CHMP2B: variants seen among roughly 807,000 people sequenced by gnomAD.
CHMP2B encodes charged multivesicular body protein 2B.
A neutral mutation model predicts 29.8 loss-of-function variants in CHMP2B; 22 were observed. That is an observed-to-expected ratio of 0.74 (90% CI 0.53 to 1.05). CHMP2B has a LOEUF of 1.05. CHMP2B is among the 50% of genes least tolerant of loss of function. The probability of loss-of-function intolerance (pLI) is 0.00; values close to 1 mark genes in which losing one functional copy is unlikely to be tolerated. For synonymous variants in CHMP2B, 78 were observed against 75.8 expected (o/e 1.03, Z -0.15); for missense variants, 261 against 252.2 (o/e 1.03, Z -0.24).
chr3:87,234,154 A>G (rs1327743777), intron 1 of CHMP2B, among the ~76,000 whole-genome samples: 2 of 152,148 alleles, frequency 1.3e-5, no homozygotes. Flanking sequence ...TTTATCCTCA[A>G]ATGTACAAAT....
At chr3:87,242,907 T>G (rs1706145645) in intron 2 of CHMP2B, among the ~76,000 whole-genome samples, 1 of 152,194 alleles carries the variant, frequency 6.6e-6, no homozygotes, top group African/African-American at 2.4e-5. Flanking sequence ...ATAATTGTTT[T>G]GGCTATTTTA....
At chr3:87,244,951 A>G (rs991002135) in intron 2 of CHMP2B, among the ~76,000 whole-genome samples, 5 of 152,078 alleles carry the variant, frequency 3.3e-5, no homozygotes, top group African/African-American at 9.6e-5. Context: ...GCATTTGTCT[A>G]TTTCTCCTTT....
intron 2 of CHMP2B, among the ~76,000 whole-genome samples, chr3:87,241,768 TTCAA>T: frequency 6.6e-6 from 1 of 152,194 alleles, no homozygotes; most frequent in Non-Finnish European, 1.5e-5. Context: ...ACTTTAAACA[TTCAA>T]TCAAAGTTTT....
rs947640711 is a variant in CHMP2B, at chr3:87,234,491, G to A, written c.35-6208G>A. On this transcript the variant is annotated intron_variant, in intron 1 of 5. Transcript: ENST00000263780. ...GGCTTTTAATGCCCAGAGTGGAGCC[G>A]GCCTGGGTGGCCTTTTCTTAAGTGT... Among the ~76,000 whole-genome samples the A allele has an allele frequency of 3.3e-5, 5 of 152,110 alleles. No homozygotes were observed. In the East Asian group the frequency reaches 7.7e-4, roughly 24 times the overall value.
intron 4 of CHMP2B, among the ~76,000 whole-genome samples, chr3:87,252,130 A>G: frequency 6.6e-6 from 1 of 151,922 alleles, no homozygotes; most frequent in East Asian, 1.9e-4. Context: ...CTTATGTGAC[A>G]TTTCCAGGGA....
intron 1 of CHMP2B, among the ~76,000 whole-genome samples, 173 bp downstream of exon 1, chr3:87,227,729 C>T (rs1043219274): frequency 6.6e-6 from 1 of 152,198 alleles, no homozygotes; most frequent in Non-Finnish European, 1.5e-5. Context: ...TTCTGACTCA[C>T]CTCACCTTAG....
At chr3:87,233,036 C>A (rs566125131) in intron 1 of CHMP2B, among the ~76,000 whole-genome samples, 1 of 152,208 alleles carries the variant, frequency 6.6e-6, no homozygotes, top group Admixed American at 6.5e-5. Flanking sequence ...TGGCTTGACT[C>A]CCCAATTTCT....
intron 3 of CHMP2B, among the ~76,000 whole-genome samples, chr3:87,247,448 C>T (rs1706235077): frequency 6.6e-6 from 1 of 152,082 alleles, no homozygotes; most frequent in African/African-American, 2.4e-5. Flanking sequence ...TCAGTGAAAT[C>T]ACAAACAAAA....
chr3:87,249,129 G>A (rs1706268156), intron 3 of CHMP2B, among the ~76,000 whole-genome samples: 1 of 152,100 alleles, frequency 6.6e-6, no homozygotes, highest in Non-Finnish European at 1.5e-5. Context: ...AGGCTACACT[G>A]TACTGGATTT....
At chr3:87,232,394 C>T (rs1330529933) in intron 1 of CHMP2B, among the ~76,000 whole-genome samples, 4 of 152,118 alleles carry the variant, frequency 2.6e-5, no homozygotes, top group Admixed American at 2.0e-4. Context: ...CATGGTGGTA[C>T]CTGCAGAATT....
At chr3:87,251,191 T>C (rs1377166629) in intron 4 of CHMP2B, among the ~76,000 whole-genome samples, 1 of 151,880 alleles carries the variant, frequency 6.6e-6, no homozygotes, top group Non-Finnish European at 1.5e-5. Context: ...CCTATTTTTA[T>C]TCTTGGTTGT....
intron 2 of CHMP2B, among the ~76,000 whole-genome samples, chr3:87,243,237 A>T (rs951081289): frequency 3.9e-5 from 6 of 152,106 alleles, no homozygotes; most frequent in African/African-American, 1.2e-4. Context: ...TGATTATCAA[A>T]AATTGAATCA....
intron 1 of CHMP2B, among the ~76,000 whole-genome samples, chr3:87,228,196 T>C (rs1204057222): frequency 6.6e-6 from 1 of 152,232 alleles, no homozygotes; most frequent in Non-Finnish European, 1.5e-5. Flanking sequence ...ATATATTGTC[T>C]TCATAGAAGT....
chr3:87,230,502 GC>G (rs986573981), intron 1 of CHMP2B, among the ~76,000 whole-genome samples: 14 of 152,176 alleles, frequency 9.2e-5, no homozygotes, highest in African/African-American at 2.9e-4. Context: ...CTCTTATCAA[GC>G]ACATGGAATT....
At chr3:87,231,941 T>C (rs576133953) in intron 1 of CHMP2B, among the ~76,000 whole-genome samples, 82 of 152,294 alleles carry the variant, frequency 5.4e-4, no homozygotes, top group Non-Finnish European at 9.9e-4. Context: ...ATGCTTATTC[T>C]GTCTCTTCTA....
At chr3:87,249,122 C>T (rs1706267962) in intron 3 of CHMP2B, among the ~76,000 whole-genome samples, 1 of 152,106 alleles carries the variant, frequency 6.6e-6, no homozygotes, top group African/African-American at 2.4e-5. Context: ...TGGTCCTAGG[C>T]TACACTGTAC....
At chr3:87,248,680 A>T (rs183893463) in intron 3 of CHMP2B, among the ~76,000 whole-genome samples, 2 of 151,546 alleles carry the variant, frequency 1.3e-5, no homozygotes, top group Admixed American at 1.3e-4. Context: ...GTTAGTTCTC[A>T]TAGGCATATT....
intron 2 of CHMP2B, 74 bp downstream of exon 2, chr3:87,240,864 T>G: frequency 9.1e-7 from 1 of 1,094,244 alleles, no homozygotes. Flanking sequence ...ATTAGCTAAC[T>G]AGGAAGAAGG....
intron 1 of CHMP2B, among the ~76,000 whole-genome samples, chr3:87,239,157 A>T (rs1397771825): frequency 6.6e-6 from 1 of 152,048 alleles, no homozygotes; most frequent in Non-Finnish European, 1.5e-5. Flanking sequence ...AATTTTTTAT[A>T]TATTCTGCAT....
Sources: gnomAD v4.1 joint callset for allele counts (sites outside exome capture counted in the v4.1 genomes callset) on GRCh38, gnomAD v4.1.1 for gene constraint, MANE v1.5 for transcripts, NCBI Gene and HGNC (gene_info 2026-07-23, HGNC 2026-07-21) for gene names.